INPP5A: variants seen among roughly 807,000 people sequenced by gnomAD.
INPP5A encodes the protein 43 kDa inositol polyphosphate 5-phophatase.
In INPP5A, 14 loss-of-function variants were observed where a neutral mutation model predicts 65.2. The observed-to-expected ratio is 0.21, with a 90% CI of 0.14 to 0.34. INPP5A has a LOEUF of 0.34. INPP5A is among the 10% of genes least tolerant of loss of function. The pLI, the probability that INPP5A is intolerant of heterozygous loss-of-function variation, is 1.00. For synonymous variants in INPP5A, 207 were observed against 208.3 expected, an observed-to-expected ratio of 0.99 and a Z score of 0.05; for missense variants, 431 against 545.6, an observed-to-expected ratio of 0.79 and a Z score of 2.09.
At chr10:132,636,227 G>A (rs944717861) in intron 2 of INPP5A, among the ~76,000 whole-genome samples, 5 of 150,728 alleles carry the variant, frequency 3.3e-5, no homozygotes, top group African/African-American at 4.9e-5. Flanking sequence ...TGTAATATTC[G>A]GCCATAAAAA....
chr10:132,615,798 G>A (rs976529642), intron 2 of INPP5A, among the ~76,000 whole-genome samples: 1 of 152,184 alleles, frequency 6.6e-6, no homozygotes, highest in African/African-American at 2.4e-5. Flanking sequence ...GTGGAGTGTA[G>A]GCACTGGGTT....
chr10:132,734,624 T>C (rs1054870528), intron 9 of INPP5A, among the ~76,000 whole-genome samples: 1 of 152,200 alleles, frequency 6.6e-6, no homozygotes, highest in Non-Finnish European at 1.5e-5. Flanking sequence ...GTTTGCTATG[T>C]GGGCCCAGCA....
At chr10:132,724,427 G>C (rs1845948067) in intron 8 of INPP5A, among the ~76,000 whole-genome samples, 1 of 152,228 alleles carries the variant, frequency 6.6e-6, no homozygotes, top group South Asian at 2.1e-4. Flanking sequence ...GACTGGGGCA[G>C]GTGTCTCAGC....
At chr10:132,778,126 C>T (rs2134694947) in intron 13 of INPP5A, among the ~76,000 whole-genome samples, 1 of 152,250 alleles carries the variant, frequency 6.6e-6, no homozygotes, top group Non-Finnish European at 1.5e-5. Flanking sequence ...CGTTCCAGCG[C>T]TCATGGGCTG....
At chr10:132,590,183 G>A (rs1228611022) in intron 1 of INPP5A, among the ~76,000 whole-genome samples, 2 of 152,136 alleles carry the variant, frequency 1.3e-5, no homozygotes, top group Admixed American at 1.3e-4. Flanking sequence ...GCGGCCTCCT[G>A]CAGTGGTCAG....
intron 11 of INPP5A, among the ~76,000 whole-genome samples, chr10:132,763,540 C>T (rs1458369086): frequency 6.6e-6 from 1 of 152,178 alleles, no homozygotes; most frequent in Non-Finnish European, 1.5e-5. Context: ...TGCATGCACA[C>T]ACACATAAAC....
chr10:132,718,872 G>T (rs1234311128), intron 8 of INPP5A, among the ~76,000 whole-genome samples: 10 of 150,960 alleles, frequency 6.6e-5, no homozygotes, highest in Non-Finnish European at 1.2e-4. Context: ...TGTCTTCAGG[G>T]TTCTGTGGTG....
At chr10:132,600,650 T>G (rs1420330333) in intron 1 of INPP5A, among the ~76,000 whole-genome samples, 3 of 152,216 alleles carry the variant, frequency 2.0e-5, no homozygotes. Context: ...ATTAGTTCAT[T>G]TTCACACTGC....
At chr10:132,699,099 GCTC>G (rs757402357) in intron 6 of INPP5A, among the ~76,000 whole-genome samples, 1 of 152,210 alleles carries the variant, frequency 6.6e-6, no homozygotes, top group Non-Finnish European at 1.5e-5. Flanking sequence ...ATGCAAGAAA[GCTC>G]CATGGTCTTC....
rs1006253078 is a variant in INPP5A at position 132,546,812 on chromosome 10, G to A, written c.75+8641G>A. ...CTGTTCTCCCTGGCCCTTCCCTCTC[G>A]TTTCTGCCTGGGCCTGCCTGGCTGG... On this transcript the variant is annotated intron_variant, in intron 1 of 15. Coordinates refer to ENST00000368594, the MANE Select transcript of INPP5A (RefSeq NM_005539.5). The surrounding 1 kb of genome is among the most constrained non-coding windows in gnomAD (Gnocchi z 5.7). 7.2e-5 allele frequency among the ~76,000 whole-genome samples: 11 copies of A among 152,142 alleles called. No individual in the cohort carries two copies. The highest frequency in any genetic ancestry group is 2.7e-4 in the African/African-American group (11 of 41,450).
intron 4 of INPP5A, among the ~76,000 whole-genome samples, chr10:132,664,670 G>A (rs961244943): frequency 1.3e-5 from 2 of 152,258 alleles, no homozygotes; most frequent in Non-Finnish European, 2.9e-5. Flanking sequence ...CTCCCCATCA[G>A]CAGCAGCCCA....
At chr10:132,657,805 C>G (rs1034897971) in intron 4 of INPP5A, among the ~76,000 whole-genome samples, 1 of 152,264 alleles carries the variant, frequency 6.6e-6, no homozygotes, top group South Asian at 2.1e-4. Flanking sequence ...GGGCTCCAGC[C>G]CTGCCCTGGG....
rs138019284 is a variant in INPP5A, at chr10:132,722,362, G to A, written c.648-4459G>A. On this transcript the variant is annotated intron_variant, in intron 8 of 15. Transcript: ENST00000368594. ...TGGTTGGATGAATGTCTCACGGCCA[G>A]TTTGCTTCCCACACTGCACTAGCTC... Among the ~76,000 whole-genome samples, 290 of 152,320 alleles carry A rather than the reference G, an allele frequency of 1.9e-3. 4 individuals are homozygous for A. Among genetic ancestry groups the A allele is most frequent in the African/African-American group, 6.7e-3 (280 of 41,574 alleles).
At position 132,781,882 on chromosome 10, in the gene INPP5A, A is replaced by G. The variant is rs1198472298; in HGVS notation, c.1180A>G (p.Ile394Val). The G allele has an allele frequency of 6.2e-7, 1 of 1,613,748 alleles. No homozygotes were observed. Among genetic ancestry groups the G allele is most frequent in the East Asian group, 2.2e-5 (1 of 44,870 alleles). The change falls in exon 15 of 16, where the codon ATC (isoleucine) becomes GTC (valine). Residue 394 changes from isoleucine to valine, a missense_variant. Ile to Val is a conservative substitution (Grantham distance 29). Transcript: ENST00000368594. ...DHKPVFLAFR[I>V]MPGAGKPHAH... ...GCAGCCCGTGTTCCTGGCCTTCCGA[A>G]TCATGCCCGGGGCAGGTAAACCTCA...
chr10:132,657,438 G>A (rs1223262442), intron 4 of INPP5A, among the ~76,000 whole-genome samples: 2 of 152,180 alleles, frequency 1.3e-5, no homozygotes, highest in Non-Finnish European at 2.9e-5. Context: ...AGTGAAGTGG[G>A]GCACAGATGC....
chr10:132,608,680 C>T (rs2786902), intron 2 of INPP5A, among the ~76,000 whole-genome samples: 129,371 of 152,266 alleles, frequency 0.85, 55,149 homozygotes, highest in East Asian at 0.96. Flanking sequence ...TGGCCAGGCT[C>T]GGCTCCAGGG....
At chr10:132,628,469 G>A (rs984136831) in intron 2 of INPP5A, among the ~76,000 whole-genome samples, 4 of 148,370 alleles carry the variant, frequency 2.7e-5, no homozygotes, top group African/African-American at 7.6e-5. Flanking sequence ...GTGGCGGGGG[G>A]GGGGGGGGGC....
intron 1 of INPP5A, among the ~76,000 whole-genome samples, chr10:132,539,039 C>T (rs1290613274): frequency 1.3e-5 from 2 of 152,194 alleles, no homozygotes; most frequent in Non-Finnish European, 2.9e-5. Flanking sequence ...ACTCTGGTTC[C>T]TAGATCCCAT....
chr10:132,549,648 A>G lies in INPP5A; in HGVS notation c.75+11477A>G, dbSNP rs924162050. Among the ~76,000 whole-genome samples, 1 of 152,206 alleles carries G rather than the reference A, an allele frequency of 6.6e-6. No individual in the cohort carries two copies. The highest frequency in any genetic ancestry group is 2.4e-5 in the African/African-American group (1 of 41,458). On this transcript the variant is annotated intron_variant, in intron 1 of 15. Coordinates refer to ENST00000368594, the MANE Select transcript of INPP5A (RefSeq NM_005539.5). This position sits in a 1 kb window ranked among gnomAD's most constrained non-coding sequence, Gnocchi z 4.9. The stretch of plus-strand genomic sequence containing the variant: ...TGAGCATGGGGAGTGCAGGTGAAGC[A>G]GGAGCAGACAGGTGCGTGTCCTGGA...
Sources: allele counts gnomAD v4.1 joint callset (sites outside exome capture counted in the v4.1 genomes callset), GRCh38; gene constraint gnomAD v4.1.1; non-coding constraint Gnocchi (gnomAD v3.1); transcripts MANE v1.5; gene names NCBI Gene and HGNC (gene_info 2026-07-23, HGNC 2026-07-21).